The following MGST1 variants were observed in gnomAD, a reference collection of about 807,000 sequenced individuals.
The protein encoded by MGST1 is microsomal glutathione S-transferase 1, also known as glutathione S-transferase 12.
MGST1 carries 5 observed loss-of-function variants against 8.9 expected under a neutral mutation model. The observed-to-expected ratio is 0.56, with a 90% CI of 0.29 to 1.19. MGST1 has a LOEUF of 1.19. MGST1 is among the 50% of genes most tolerant of loss of function. MGST1 has a pLI of 0.08. For missense variants in MGST1, 182 were observed against 187.4 expected (o/e 0.97, Z 0.17); for synonymous variants, 54 against 67.8 (o/e 0.80, Z 1.00).
chr12:16,414,956 G>A (rs1329786380), intron 1 of MGST1, among the ~76,000 whole-genome samples: 4 of 152,020 alleles, frequency 2.6e-5, no homozygotes, highest in Non-Finnish European at 5.9e-5. Context: ...CCTAGGAGGC[G>A]GAGGTTGCAG....
At chr12:16,377,818 A>C (rs1940405133), downstream of MGST1, among the ~76,000 whole-genome samples, 1 of 150,740 alleles carries the variant, frequency 6.6e-6, no homozygotes, top group African/African-American at 2.4e-5. Context: ...TTGTTTCCTG[A>C]CTTTCTAATG....
rs1414488114 is a variant in MGST1, at chr12:16,548,836, T to C, written n.483-40692T>C. 1 of 152,104 alleles carries C rather than the reference T, an allele frequency of 6.6e-6. No homozygotes were observed. Among genetic ancestry groups the C allele is most frequent in the Non-Finnish European group, 1.5e-5 (1 of 68,000 alleles). The allele number at this position is 152,104 out of a possible 1,614,324, so 9.4% of individuals were successfully genotyped here. On this transcript the variant is annotated intron_variant and non_coding_transcript_variant, in intron 4 of 4. Transcript: ENST00000538857. This position sits in a 1 kb window ranked among gnomAD's most constrained non-coding sequence, Gnocchi z 4.2. ...GGAGATTAAAGATAATCTAAACAGA[T>C]TAAGGCCTTAATCTTTAATCCAGGT...
In MGST1 at chr12:16,413,682, G is replaced by C. The variant is rs142575050; in HGVS notation, n.779-23706G>C. 4.7e-4 allele frequency among the ~76,000 whole-genome samples: 71 copies of C among 151,960 alleles called. No homozygotes were observed. The highest frequency in any genetic ancestry group is 1.7e-3 in the African/African-American group (69 of 41,412). On this transcript the variant is annotated intron_variant and non_coding_transcript_variant, in intron 1 of 1. Transcript: ENST00000359720. The surrounding 1 kb of genome is among the most constrained non-coding windows in gnomAD (Gnocchi z 4.0). ...TTCCATACATTCTCAAGGAAGTGTC[G>C]GTTATCCCTTCTTTTTGGGATAAAC...
intron 1 of MGST1, among the ~76,000 whole-genome samples, chr12:16,409,433 A>G (rs2137071638): frequency 6.6e-6 from 1 of 152,240 alleles, no homozygotes; most frequent in Admixed American, 6.5e-5. Flanking sequence ...GGGTGATGTA[A>G]TAAGGGCTAG....
Position 16,354,223 on chromosome 12 carries a change from T to G in MGST1, c.-22-8T>G. On this transcript the variant is annotated splice_region_variant and splice_polypyrimidine_tract_variant and intron_variant, in intron 1 of 3. Transcript: ENST00000396210. ...TGCTTTTTCCCATTTTATTTAAATCTTTTTAAGATTCCAGACCAAAATTGA... is the reference window on the plus strand; with the variant it reads ...TGCTTTTTCCCATTTTATTTAAATCGTTTTAAGATTCCAGACCAAAATTGA... 1 of 1,559,700 alleles carries G rather than the reference T, an allele frequency of 6.4e-7. No homozygotes were observed. Among genetic ancestry groups the G allele is most frequent in the Non-Finnish European group, 8.6e-7 (1 of 1,157,314 alleles).
downstream of MGST1, among the ~76,000 whole-genome samples, chr12:16,442,118 T>C (rs1330706609): frequency 2.0e-5 from 3 of 151,890 alleles, no homozygotes; most frequent in African/African-American, 7.2e-5. The surrounding 1 kb of genome is among the most constrained non-coding windows in gnomAD (Gnocchi z 4.5). Context: ...TTCTCCTTGG[T>C]AAGTTGTCTG....
chr12:16,522,223 A>T (rs1433594007), intron 4 of MGST1, among the ~76,000 whole-genome samples: 1 of 152,052 alleles, frequency 6.6e-6, no homozygotes, highest in African/African-American at 2.4e-5. Context: ...TTAATTTTTG[A>T]CGATGGGATC....
At chr12:16,568,951 T>TCTAA (rs1163322075) in intron 4 of MGST1, among the ~76,000 whole-genome samples, 2 of 152,222 alleles carry the variant, frequency 1.3e-5, no homozygotes, top group African/African-American at 4.8e-5. Context: ...GACATTTTTT[T>TCTAA]CTAACTTGAA....
chr12:16,534,169 T>C (rs1393783591), intron 4 of MGST1, among the ~76,000 whole-genome samples: 1 of 152,098 alleles, frequency 6.6e-6, no homozygotes, highest in African/African-American at 2.4e-5. Flanking sequence ...AAATCATTGA[T>C]AAAATAAGAC....
At chr12:16,377,823 C>T (rs9739789), downstream of MGST1, among the ~76,000 whole-genome samples, 88,785 of 148,100 alleles carry the variant, frequency 0.6, 27,450 homozygotes, top group East Asian at 0.96. Context: ...TCCTGACTTT[C>T]TAATGATCGC....
intron 4 of MGST1, among the ~76,000 whole-genome samples, chr12:16,485,726 A>T (rs1941395370): frequency 6.6e-6 from 1 of 152,240 alleles, no homozygotes; most frequent in African/African-American, 2.4e-5. Flanking sequence ...TGATAAAGAT[A>T]AAACACAAAA....
intron 4 of MGST1, among the ~76,000 whole-genome samples, chr12:16,464,728 G>A (rs565153664): frequency 9.3e-4 from 141 of 152,262 alleles, no homozygotes; most frequent in Non-Finnish European, 1.6e-3. Context: ...TTCCTGAATG[G>A]CATGAGGTTT....
rs915505510 is a variant in MGST1, at chr12:16,361,836, A to T, written c.222-1959A>T. On this transcript the variant is annotated intron_variant, in intron 3 of 3. Transcript: ENST00000396210. The surrounding 1 kb of genome is among the most constrained non-coding windows in gnomAD (Gnocchi z 4.2). ...AAGAGAACTCAAAAGGGAGAATAAGATAAAGAGAAAATGAGGCTAGAAAAA... is the reference window on the plus strand; with the variant it reads ...AAGAGAACTCAAAAGGGAGAATAAGTTAAAGAGAAAATGAGGCTAGAAAAA... Among the ~76,000 whole-genome samples the T allele has an allele frequency of 6.6e-6, 1 of 152,230 alleles. No individual in the cohort carries two copies. The highest frequency in any genetic ancestry group is 2.4e-5 in the African/African-American group (1 of 41,456).
chr12:16,422,185 G>A (rs953968925), intron 1 of MGST1, among the ~76,000 whole-genome samples: 1 of 152,176 alleles, frequency 6.6e-6, no homozygotes, highest in Non-Finnish European at 1.5e-5. Flanking sequence ...TTCTTCTTCT[G>A]TGGGACATGT....
chr12:16,367,128 A>T (rs1565440369), downstream of MGST1, among the ~76,000 whole-genome samples: 1 of 152,168 alleles, frequency 6.6e-6, no homozygotes, highest in African/African-American at 2.4e-5. Context: ...CTGTGACTCT[A>T]AAAATTCTAT....
At chr12:16,563,160 G>A (rs1285921957) in intron 4 of MGST1, among the ~76,000 whole-genome samples, 2 of 152,136 alleles carry the variant, frequency 1.3e-5, no homozygotes, top group Admixed American at 1.3e-4. Flanking sequence ...TCTTACAAGG[G>A]AACATTTTAC....
chr12:16,576,635 C>G lies in MGST1; in HGVS notation n.483-12893C>G, dbSNP rs1473753640. On this transcript the variant is annotated intron_variant and non_coding_transcript_variant, in intron 4 of 4. Coordinates refer to the MGST1 transcript ENST00000538857. This position sits in a 1 kb window ranked among gnomAD's most constrained non-coding sequence, Gnocchi z 4.1. The stretch of plus-strand genomic sequence containing the variant: ...CATAATAAGCTCCCTGAAAACTTGC[C>G]TTCTCCTTTACTCTGCACCTAACAC... Among the ~76,000 whole-genome samples the G allele has an allele frequency of 6.6e-6, 1 of 152,140 alleles. No homozygotes were observed. Among genetic ancestry groups the G allele is most frequent in the Non-Finnish European group, 1.5e-5 (1 of 68,022 alleles).
At chr12:16,505,304 A>G (rs895572254) in intron 4 of MGST1, among the ~76,000 whole-genome samples, 3 of 152,224 alleles carry the variant, frequency 2.0e-5, no homozygotes, top group Non-Finnish European at 4.4e-5. Context: ...GTCTCAAGCT[A>G]TATGGACTCC....
chr12:16,587,705 G>A lies in MGST1; in HGVS notation n.483-1823G>A, dbSNP rs1193648313. Among the ~76,000 whole-genome samples, 2 of 151,836 alleles carry A rather than the reference G, an allele frequency of 1.3e-5. No homozygotes were observed. Among genetic ancestry groups the A allele is most frequent in the Non-Finnish European group, 2.9e-5 (2 of 67,918 alleles). ...ACGACACAAGTATTTTTCACTACAG[G>A]AGACAAACAATGATATGTATTACAT... On this transcript the variant is annotated intron_variant and non_coding_transcript_variant, in intron 4 of 4. Transcript: ENST00000538857. The surrounding 1 kb of genome is among the most constrained non-coding windows in gnomAD (Gnocchi z 4.3).
Sources: allele counts gnomAD v4.1 joint callset (sites outside exome capture counted in the v4.1 genomes callset), GRCh38; gene constraint gnomAD v4.1.1; non-coding constraint Gnocchi (gnomAD v3.1); transcripts MANE v1.5; gene names NCBI Gene and HGNC (gene_info 2026-07-23, HGNC 2026-07-21).